The following NOTCH2NLB variants were observed in gnomAD, a reference collection of about 807,000 sequenced individuals.
NOTCH2NLB encodes the protein notch 2 N-terminal like B.
A neutral mutation model predicts 14.8 loss-of-function variants in NOTCH2NLB; 1 was observed. That is an observed-to-expected ratio of 0.07 (90% CI 0.02 to 0.32). The LOEUF (loss-of-function observed/expected upper bound fraction) is 0.32. NOTCH2NLB is among the 10% of genes least tolerant of loss of function. NOTCH2NLB has a pLI of 1.00. For missense variants in NOTCH2NLB, 11 were observed against 155.0 expected (o/e 0.07, Z 4.93); for synonymous variants, 6 against 57.5 (o/e 0.10, Z 4.05).
chr1:148,622,230 CG>C (rs1663895375), intron 2 of NOTCH2NLB, among the ~76,000 whole-genome samples: 1 of 98,430 alleles, frequency 1.0e-5, no homozygotes, highest in Non-Finnish European at 1.9e-5. Context: ...ATTAGCCAGG[CG>C]TGGTGGCGGG....
chr1:148,688,057 G>GA, the NOTCH2NLB span, among the ~76,000 whole-genome samples: 1 of 106,374 alleles, frequency 9.4e-6, no homozygotes, highest in South Asian at 3.2e-4. Context: ...ACTGTCTCAA[G>GA]AAAAAACAAA....
At chr1:148,688,207 AAAAAC>A in the NOTCH2NLB span, among the ~76,000 whole-genome samples, 2 of 123,846 alleles carry the variant, frequency 1.6e-5, no homozygotes, top group Non-Finnish European at 3.5e-5. Context: ...TGAAGAGAAG[AAAAAC>A]AGAACAGAAG....
intron 1 of NOTCH2NLB, among the ~76,000 whole-genome samples, chr1:148,670,535 A>T (rs1331465627): frequency 0.1 from 5,739 of 55,830 alleles, 153 homozygotes; most frequent in East Asian, 0.14. Context: ...AAACTAAAAA[A>T]AAAAATATAT....
At chr1:148,634,033 CTTGAG>C (rs1210011239) in intron 2 of NOTCH2NLB, among the ~76,000 whole-genome samples, 2 of 98,516 alleles carry the variant, frequency 2.0e-5, no homozygotes, top group Admixed American at 9.4e-5. Context: ...CTACCACAGA[CTTGAG>C]TTATCTGTTA....
chr1:148,645,720 C>T (rs1448894523), intron 1 of NOTCH2NLB, among the ~76,000 whole-genome samples: 6 of 150,416 alleles, frequency 4.0e-5, no homozygotes, highest in Admixed American at 4.0e-4. Flanking sequence ...CTTGCCTCAC[C>T]CAGAAAGCTT....
In NOTCH2NLB at chr1:148,610,317, AAGAG is replaced by A. The variant is rs1290853880; in HGVS notation, c.338-2576_338-2573del. ...AGAGGGAAAGAGAGAGAAAGAGAGA[AAGAG>A]AGAGAAAGAAAGAAAGAAAGAAAGA... On this transcript the variant is annotated intron_variant, in intron 3 of 4. Coordinates refer to ENST00000593495, the Ensembl canonical transcript of NOTCH2NLB. 1.8e-4 allele frequency among the ~76,000 whole-genome samples: 12 copies of A among 66,102 alleles called. 1 individual carries two copies. The highest frequency in any genetic ancestry group is 4.9e-4 in the African/African-American group (7 of 14,406). 43.4% of individuals were successfully genotyped at this position (66,102 alleles called of 152,430 possible). A position where few individuals can be genotyped will look rare whatever the true frequency, so the allele number is the denominator to read the frequency against.
chr1:148,648,016 TG>T (rs1664408604), intron 1 of NOTCH2NLB, among the ~76,000 whole-genome samples: 1 of 144,756 alleles, frequency 6.9e-6, no homozygotes, highest in Non-Finnish European at 1.5e-5. Context: ...AACTTATAAA[TG>T]AATATTTTTT....
intron 3 of NOTCH2NLB, among the ~76,000 whole-genome samples, chr1:148,610,331 A>AAGAC (rs1466970422): frequency 4.0e-5 from 3 of 75,688 alleles, no homozygotes; most frequent in Admixed American, 1.3e-4. Flanking sequence ...GAGAGAAAGA[A>AAGAC]AGAAAGAAAG....
chr1:148,712,446 C>G, the NOTCH2NLB span, among the ~76,000 whole-genome samples: 2 of 152,272 alleles, frequency 1.3e-5, no homozygotes, highest in African/African-American at 4.8e-5. Flanking sequence ...TTTGGCTGGG[C>G]TTTCCTGGGA....
At chr1:148,661,055 C>CT (rs1308057322) in intron 1 of NOTCH2NLB, among the ~76,000 whole-genome samples, 3 of 146,790 alleles carry the variant, frequency 2.0e-5, no homozygotes, top group Non-Finnish European at 3.0e-5. Context: ...GGTACACTGT[C>CT]TTTTCATGTG....
intron 2 of NOTCH2NLB, among the ~76,000 whole-genome samples, chr1:148,627,579 G>GT (rs1664009815): frequency 6.7e-6 from 1 of 148,744 alleles, no homozygotes; most frequent in Non-Finnish European, 1.5e-5. Context: ...AAATGCTATA[G>GT]TACACTACTT....
At chr1:148,688,209 AAACAG>A in the NOTCH2NLB span, among the ~76,000 whole-genome samples, 1 of 122,382 alleles carries the variant, frequency 8.2e-6, no homozygotes, top group Non-Finnish European at 1.8e-5. Flanking sequence ...AAGAGAAGAA[AAACAG>A]AACAGAAGAG....
chr1:148,639,193 TA>T (rs1421165946), intron 2 of NOTCH2NLB, among the ~76,000 whole-genome samples: 3 of 129,848 alleles, frequency 2.3e-5, no homozygotes, highest in Admixed American at 1.5e-4. Flanking sequence ...TTTATCCCCA[TA>T]TAATAATACA....
chr1:148,625,354 TTTTTTA>T (rs1663957601), intron 2 of NOTCH2NLB, among the ~76,000 whole-genome samples: 1 of 92,386 alleles, frequency 1.1e-5, no homozygotes, highest in Non-Finnish European at 2.0e-5. Context: ...TTTTTTTTTT[TTTTTTA>T]AAACGAGGAT....
chr1:148,655,577 A>AG (rs1664524875), intron 1 of NOTCH2NLB, among the ~76,000 whole-genome samples: 1 of 3,500 alleles, frequency 2.9e-4, no homozygotes, highest in Non-Finnish European at 5.0e-4. Context: ...TAAAAAAAAA[A>AG]AAAAAAAAAA....
chr1:148,633,305 G>A (rs1664148146), intron 2 of NOTCH2NLB, among the ~76,000 whole-genome samples: 1 of 120,842 alleles, frequency 8.3e-6, no homozygotes, highest in Non-Finnish European at 1.7e-5. Flanking sequence ...TGTAATCCCA[G>A]CACTTTGGGA....
chr1:148,632,192 AAAATTAGTTG>A (rs1664123563), intron 2 of NOTCH2NLB, among the ~76,000 whole-genome samples: 1 of 78,358 alleles, frequency 1.3e-5, no homozygotes, highest in Non-Finnish European at 2.2e-5. Context: ...TGAAAGAATA[AAAATTAGTTG>A]AAAATAGTAT....
chr1:148,704,317 T>A, the NOTCH2NLB span, among the ~76,000 whole-genome samples: 5 of 62,380 alleles, frequency 8.0e-5, 2 homozygotes, highest in Admixed American at 7.7e-4. Flanking sequence ...CTTCCTTTTT[T>A]TTTTTTTGTT....
intron 2 of NOTCH2NLB, among the ~76,000 whole-genome samples, chr1:148,638,873 C>T (rs1664277304): frequency 1.4e-5 from 2 of 145,190 alleles, no homozygotes; most frequent in South Asian, 2.2e-4. Flanking sequence ...AGTACCTCCA[C>T]CAAAGCAAAG....
Sources: gnomAD v4.1 joint callset for allele counts (sites outside exome capture counted in the v4.1 genomes callset) on GRCh38, gnomAD v4.1.1 for gene constraint, MANE v1.5 for transcripts, NCBI Gene and HGNC (gene_info 2026-07-23, HGNC 2026-07-21) for gene names.